UBE2E2: variants seen among roughly 807,000 people sequenced by gnomAD.
UBE2E2 encodes ubiquitin-conjugating enzyme E2 E2.
UBE2E2 carries 6 observed loss-of-function variants against 24.7 expected under a neutral mutation model. The observed-to-expected ratio is 0.24, with a 90% confidence interval of 0.13 to 0.48. UBE2E2 has a LOEUF of 0.48. Ranked by LOEUF, UBE2E2 falls within the 20% of genes least tolerant of loss-of-function variation. The pLI, the probability that UBE2E2 is intolerant of heterozygous loss-of-function variation, is 0.99. For missense variants in UBE2E2, 169 were observed against 245.0 expected (o/e 0.69, Z 2.07); for synonymous variants, 104 against 83.6 (o/e 1.24, Z -1.33).
rs7432884 is a variant in UBE2E2 at position 23,298,491 on chromosome 3, G to A, written c.227+81179G>A. On this transcript the variant is annotated intron_variant, in intron 3 of 5. Transcript: ENST00000396703. ...ATACCTAATTTATTGAGAGCTTTTA[G>A]CATGAAGAGTTGTTGAATTTTGTCA... 7.3e-4 allele frequency among the ~76,000 whole-genome samples: 111 copies of A among 152,248 alleles called. No homozygotes were observed. In the East Asian group the frequency reaches 0.017, roughly 23 times the overall value.
chr3:23,512,459 GTCC>G (rs1694622250), intron 4 of UBE2E2, among the ~76,000 whole-genome samples: 1 of 151,858 alleles, frequency 6.6e-6, no homozygotes, highest in East Asian at 1.9e-4. Context: ...AGCTCAACCA[GTCC>G]TCCTGAGCTC....
intron 3 of UBE2E2, among the ~76,000 whole-genome samples, chr3:23,334,467 T>C (rs1320029937): frequency 1.3e-5 from 2 of 152,338 alleles, no homozygotes; most frequent in East Asian, 3.9e-4. Flanking sequence ...GAAAAGATTT[T>C]AGTGTACAAA....
intron 3 of UBE2E2, among the ~76,000 whole-genome samples, chr3:23,409,757 C>G (rs907398346): frequency 1.3e-5 from 2 of 152,130 alleles, no homozygotes; most frequent in African/African-American, 2.4e-5. Context: ...ATCAATGGGT[C>G]CCTCAGAAAG....
At chr3:23,446,287 G>C (rs1033346945) in intron 3 of UBE2E2, among the ~76,000 whole-genome samples, 1 of 152,190 alleles carries the variant, frequency 6.6e-6, no homozygotes, top group Non-Finnish European at 1.5e-5. Flanking sequence ...TCTCAGCATG[G>C]CCTGGAGCCC....
chr3:23,307,925 A>T (rs1699280573), intron 3 of UBE2E2, among the ~76,000 whole-genome samples: 1 of 152,194 alleles, frequency 6.6e-6, no homozygotes, highest in South Asian at 2.1e-4. Context: ...GGACAAAATC[A>T]GTTTGATCTT....
intron 3 of UBE2E2, among the ~76,000 whole-genome samples, chr3:23,475,490 T>G (rs1434428153): frequency 6.6e-6 from 1 of 151,946 alleles, no homozygotes; most frequent in South Asian, 2.1e-4. Context: ...CTGTAACTGG[T>G]CTCATGTCCT....
chr3:23,549,662 A>G (rs1398961753), intron 5 of UBE2E2, among the ~76,000 whole-genome samples: 1 of 151,928 alleles, frequency 6.6e-6, no homozygotes, highest in Admixed American at 6.6e-5. Context: ...TATGAGTATC[A>G]TTACGTGGAA....
chr3:23,277,769 C>A (rs1698403359), intron 3 of UBE2E2, among the ~76,000 whole-genome samples: 3 of 151,968 alleles, frequency 2.0e-5, no homozygotes, highest in African/African-American at 4.8e-5. Flanking sequence ...ATGTTAGTGA[C>A]CCAAACAGTA....
chr3:23,492,439 A>C (rs1246130101), intron 3 of UBE2E2, among the ~76,000 whole-genome samples: 1 of 152,202 alleles, frequency 6.6e-6, no homozygotes, highest in Admixed American at 6.5e-5. Flanking sequence ...TCTTCAGACA[A>C]GATACTCCCT....
chr3:23,514,370 A>T (rs927750008), intron 4 of UBE2E2, among the ~76,000 whole-genome samples: 2 of 152,222 alleles, frequency 1.3e-5, no homozygotes, highest in African/African-American at 4.8e-5. Context: ...GATGAAGCAA[A>T]TGAATATTCA....
chr3:23,384,925 A>G (rs1382314167), intron 3 of UBE2E2, among the ~76,000 whole-genome samples: 1 of 151,860 alleles, frequency 6.6e-6, no homozygotes, highest in Non-Finnish European at 1.5e-5. Flanking sequence ...ATAATGAAAA[A>G]TATTTCTTCT....
chr3:23,334,147 G>A (rs9874519), intron 3 of UBE2E2, among the ~76,000 whole-genome samples: 51,820 of 151,948 alleles, frequency 0.34, 10,506 homozygotes, highest in Admixed American at 0.52. Context: ...TTAGGTTGGT[G>A]CAAAAGTAAT....
At chr3:23,362,316 T>C (rs1446962047) in intron 3 of UBE2E2, among the ~76,000 whole-genome samples, 2 of 151,968 alleles carry the variant, frequency 1.3e-5, no homozygotes, top group Non-Finnish European at 2.9e-5. Context: ...GGGGAGCACA[T>C]CCCCCTGCGC....
chr3:23,333,603 C>T (rs1226405785), intron 3 of UBE2E2, among the ~76,000 whole-genome samples: 3 of 152,038 alleles, frequency 2.0e-5, no homozygotes, highest in Non-Finnish European at 2.9e-5. Context: ...CAAAGCTTTC[C>T]TAGCCTTCAT....
At chr3:23,331,108 C>A (rs1695047473) in intron 3 of UBE2E2, among the ~76,000 whole-genome samples, 1 of 152,092 alleles carries the variant, frequency 6.6e-6, no homozygotes, top group Non-Finnish European at 1.5e-5. Flanking sequence ...AAGTTCACAT[C>A]TTAAATGTTC....
At chr3:23,224,765 T>A (rs1374212685) in intron 3 of UBE2E2, among the ~76,000 whole-genome samples, 1 of 152,180 alleles carries the variant, frequency 6.6e-6, no homozygotes, top group Admixed American at 6.5e-5. Context: ...TTATATTGTT[T>A]CCACTTTTTT....
chr3:23,544,654 A>T (rs1418721480), intron 5 of UBE2E2, among the ~76,000 whole-genome samples: 1 of 149,740 alleles, frequency 6.7e-6, no homozygotes, highest in Non-Finnish European at 1.5e-5. Context: ...AAAGAACTAC[A>T]AGTAGATCTG....
intron 3 of UBE2E2, among the ~76,000 whole-genome samples, chr3:23,298,262 A>G (rs1361107092): frequency 6.6e-6 from 1 of 152,074 alleles, no homozygotes; most frequent in Non-Finnish European, 1.5e-5. Flanking sequence ...CTCTTTTCCT[A>G]ATTGAATGCC....
At chr3:23,556,035 G>A (rs571088157) in intron 5 of UBE2E2, among the ~76,000 whole-genome samples, 2 of 151,942 alleles carry the variant, frequency 1.3e-5, no homozygotes, top group African/African-American at 4.8e-5. Context: ...GAGGGAAATG[G>A]GTAAAAGTGT....
Sources: gnomAD v4.1 joint callset for allele counts (sites outside exome capture counted in the v4.1 genomes callset) on GRCh38, gnomAD v4.1.1 for gene constraint, MANE v1.5 for transcripts, NCBI Gene and HGNC (gene_info 2026-07-23, HGNC 2026-07-21) for gene names.